CDYL: variants seen among roughly 807,000 people sequenced by gnomAD.
CDYL encodes chromodomain Y like.
In CDYL, 8 loss-of-function variants were observed where a neutral mutation model predicts 47.3. The ratio of observed to expected loss-of-function variants is 0.17; its 90% CI spans 0.10 to 0.31. The LOEUF (loss-of-function observed/expected upper bound fraction) is 0.31, where lower values mean the gene tolerates loss of function less well. Ranked by LOEUF, CDYL falls within the 10% of genes least tolerant of loss-of-function variation. The pLI, the probability that CDYL is intolerant of heterozygous loss-of-function variation, is 1.00. For synonymous variants in CDYL, 266 were observed against 265.0 expected (o/e 1.00, Z -0.04); for missense variants, 471 against 701.4 (o/e 0.67, Z 3.71).
chr6:4,787,090 C>T (rs1186810948), intron 1 of CDYL, among the ~76,000 whole-genome samples: 1 of 152,186 alleles, frequency 6.6e-6, no homozygotes, highest in East Asian at 1.9e-4. Flanking sequence ...ACCCCAGGCA[C>T]GTGAGGTAGA....
intron 3 of CDYL, among the ~76,000 whole-genome samples, chr6:4,764,952 A>C (rs1411109975): frequency 6.6e-6 from 1 of 152,266 alleles, no homozygotes; most frequent in Non-Finnish European, 1.5e-5. Flanking sequence ...AAACTTAAGC[A>C]ATTTTGTGAC....
intron 1 of CDYL, among the ~76,000 whole-genome samples, chr6:4,815,626 C>G (rs914091281): frequency 1.4e-5 from 2 of 147,606 alleles, no homozygotes; most frequent in African/African-American, 2.5e-5. Flanking sequence ...TTTTGCTAAT[C>G]TAATGGACAG....
At chr6:4,921,516 G>A (rs1757716582) in intron 2 of CDYL, among the ~76,000 whole-genome samples, 1 of 152,178 alleles carries the variant, frequency 6.6e-6, no homozygotes, top group East Asian at 1.9e-4. Flanking sequence ...CACATTTTCT[G>A]AGCCCTGGAA....
At chr6:4,776,170 C>T (rs1438153359), upstream of CDYL, among the ~76,000 whole-genome samples, 38 of 10,154 alleles carry the variant, frequency 3.7e-3, no homozygotes, top group South Asian at 0.017. Flanking sequence ...GCCCCCCGCG[C>T]TCGCGGCCCC....
intron 1 of CDYL, among the ~76,000 whole-genome samples, chr6:4,870,136 C>T (rs1046873925): frequency 2.0e-5 from 3 of 152,026 alleles, no homozygotes; most frequent in Non-Finnish European, 4.4e-5. Context: ...GTGATCATAG[C>T]TCACTGTAAC....
At chr6:4,762,295 C>G (rs1758186663) in intron 3 of CDYL, among the ~76,000 whole-genome samples, 1 of 152,182 alleles carries the variant, frequency 6.6e-6, no homozygotes, top group African/African-American at 2.4e-5. Flanking sequence ...TGTTTGAGCA[C>G]TTAGGCAGCT....
At chr6:4,733,629 G>A (rs1223146568) in intron 2 of CDYL, among the ~76,000 whole-genome samples, 2 of 152,058 alleles carry the variant, frequency 1.3e-5, no homozygotes, top group Non-Finnish European at 2.9e-5. Flanking sequence ...TCAGTTTTAA[G>A]AGAAACTTCA....
At position 4,717,743 on chromosome 6, in the gene CDYL, A is replaced by T. The variant is rs1469574463; in HGVS notation, c.103+1862A>T. Among the ~76,000 whole-genome samples, 18 of 140,132 alleles carry T rather than the reference A, an allele frequency of 1.3e-4. 1 individual carries two copies. The highest frequency in any genetic ancestry group is 4.3e-4 in the African/African-American group (16 of 37,172). The allele number at this position is 140,132 out of a possible 152,430, so 91.9% of individuals were successfully genotyped here. On this transcript the variant is annotated intron_variant, in intron 2 of 8. Coordinates refer to the CDYL transcript ENST00000328908. ...AAAAAAAAAAAAAAAAAAAAAAATT[A>T]AAAATTGAAAGGGATTTTTGTTGTT...
At chr6:4,773,060 T>C, upstream of CDYL, 1 of 453,480 alleles carries the variant, frequency 2.2e-6, no homozygotes, top group Non-Finnish European at 4.4e-6. This position sits in a 1 kb window ranked among gnomAD's most constrained non-coding sequence, Gnocchi z 4.6. Context: ...GGGAAGAGGC[T>C]GTGATTCTTG....
At chr6:4,737,349 A>G (rs965084256) in intron 3 of CDYL, among the ~76,000 whole-genome samples, 1 of 52,366 alleles carries the variant, frequency 1.9e-5, no homozygotes, top group South Asian at 1.0e-3. Flanking sequence ...CTTAAGAAAT[A>G]TTTGCAACAA....
chr6:4,935,899 CCAGAAGGGAGGGAG>C, intron 3 of CDYL, 128 bp downstream of exon 3: 3 of 1,408,236 alleles, frequency 2.1e-6, no homozygotes, highest in Non-Finnish European at 1.9e-6. Context: ...CCGATGCCCA[CCAGAAGGGAGGGAG>C]CAGAGGGGAA....
At chr6:4,937,859 C>T in intron 4 of CDYL, 122 bp downstream of exon 4, 1 of 700,040 alleles carries the variant, frequency 1.4e-6, no homozygotes, top group Non-Finnish European at 2.3e-6. Context: ...CATGGAGAGA[C>T]ACGAGCAGCA....
intron 3 of CDYL, among the ~76,000 whole-genome samples, chr6:4,760,951 T>G (rs1204042921): frequency 6.6e-6 from 1 of 152,122 alleles, no homozygotes; most frequent in Non-Finnish European, 1.5e-5. Context: ...CTATTCCTTG[T>G]AGTGGAAATT....
intron 1 of CDYL, among the ~76,000 whole-genome samples, chr6:4,708,060 G>A (rs1757078076): frequency 6.6e-6 from 1 of 152,074 alleles, no homozygotes; most frequent in Non-Finnish European, 1.5e-5. Flanking sequence ...GGAACTTACT[G>A]AAACTTCCTT....
intron 2 of CDYL, among the ~76,000 whole-genome samples, chr6:4,904,146 G>A (rs1417657): frequency 0.52 from 79,053 of 152,200 alleles, 22,876 homozygotes; most frequent in East Asian, 0.77. Flanking sequence ...CAGCCCTGCC[G>A]TTGTGGGTAG....
intron 1 of CDYL, among the ~76,000 whole-genome samples, chr6:4,777,835 G>A (rs555980583): frequency 6.6e-6 from 1 of 152,274 alleles, no homozygotes; most frequent in Non-Finnish European, 1.5e-5. Flanking sequence ...TGCGATGTTA[G>A]TCTTCTAGCA....
chr6:4,796,054 G>T (rs145025299), intron 1 of CDYL, among the ~76,000 whole-genome samples: 1 of 152,072 alleles, frequency 6.6e-6, no homozygotes, highest in African/African-American at 2.4e-5. Context: ...CTGCCTCCCA[G>T]GTTCAAGTGA....
chr6:4,833,342 T>C (rs1396502153), intron 1 of CDYL, among the ~76,000 whole-genome samples: 1 of 151,440 alleles, frequency 6.6e-6, no homozygotes, highest in African/African-American at 2.5e-5. Flanking sequence ...CCAGTAGTCA[T>C]TCAGGAGCAG....
chr6:4,797,376 C>T (rs761194333), intron 1 of CDYL, among the ~76,000 whole-genome samples: 19 of 151,606 alleles, frequency 1.3e-4, no homozygotes, highest in Non-Finnish European at 2.5e-4. Context: ...TTCTCTTCTA[C>T]GTGGGCTGTT....
Sources: gnomAD v4.1 joint callset for allele counts (sites outside exome capture counted in the v4.1 genomes callset) on GRCh38, gnomAD v4.1.1 for gene constraint, Gnocchi (gnomAD v3.1) non-coding constraint, MANE v1.5 for transcripts, NCBI Gene and HGNC (gene_info 2026-07-23, HGNC 2026-07-21) for gene names.